The following SORL1 variants were observed in gnomAD, a reference collection of about 807,000 sequenced individuals.
SORL1 encodes sortilin related receptor 1.
A neutral mutation model predicts 273.7 loss-of-function variants in SORL1; 127 were observed. The ratio of observed to expected loss-of-function variants is 0.46; its 90% CI spans 0.40 to 0.54. The LOEUF (loss-of-function observed/expected upper bound fraction) is 0.54. SORL1 is among the 20% of genes least tolerant of loss of function. The pLI, the probability that SORL1 is intolerant of heterozygous loss-of-function variation, is 0.00. For synonymous variants in SORL1, 1,031 were observed against 1,067.4 expected, an observed-to-expected ratio of 0.97 and a Z score of 0.66; for missense variants, 2,494 against 2,846.1, an observed-to-expected ratio of 0.88 and a Z score of 2.81.
In SORL1 at chr11:121,478,187, A is replaced by C. The variant is rs769962217; in HGVS notation, c.472A>C (p.Asn158His). 17 of 1,614,032 alleles carry C rather than the reference A, an allele frequency of 1.1e-5. No individual in the cohort carries two copies. The highest frequency in any genetic ancestry group is 1.4e-5 in the Non-Finnish European group (16 of 1,180,028). Residue 158 changes from asparagine to histidine, a missense_variant, in exon 3 of 48, where the codon AAT becomes CAT. By Grantham distance (68) the Asn-to-His change is moderately conservative. This residue lies in a region of SORL1 where 710 missense variants were observed against 882.5 expected (regional missense o/e 0.80). Transcript: ENST00000260197. Reference protein sequence around the residue: ...ISDKLNFGLGNRSEAVIAQFY... With the variant: ...ISDKLNFGLGHRSEAVIAQFY... The stretch of plus-strand genomic sequence containing the variant: ...AGACAAGTTAAACTTTGGCTTGGGA[A>C]ATAGGAGTGAAGCTGTTATCGCCCA...
intron 21 of SORL1, among the ~76,000 whole-genome samples, chr11:121,562,756 T>C (rs1565337470): frequency 6.6e-6 from 1 of 152,064 alleles, no homozygotes; most frequent in Non-Finnish European, 1.5e-5. Context: ...GTTCTAGACT[T>C]AATAAGGGAG....
chr11:121,561,168 G>A lies in SORL1; in HGVS notation c.3049+1511G>A, dbSNP rs79318842. Among the ~76,000 whole-genome samples the A allele has an allele frequency of 6.3e-3, 967 of 152,288 alleles. 6 individuals carry two copies. Among genetic ancestry groups the A allele is most frequent in the African/African-American group, 0.022 (914 of 41,540 alleles). On this transcript the variant is annotated intron_variant, in intron 21 of 47. Transcript: ENST00000260197. ...AGAGTGGGTCTTCATTTTTACAAGTGCTTGTATGCATGTGCTTGTTTGATT... is the reference window on the plus strand; with the variant it reads ...AGAGTGGGTCTTCATTTTTACAAGTACTTGTATGCATGTGCTTGTTTGATT...
At position 121,555,216 on chromosome 11, in the gene SORL1, A is replaced by G; in HGVS notation, c.2469A>G (p.Gln823=). The change falls in exon 18 of 48, where the codon CAA becomes CAG. Residue 823 remains glutamine, a synonymous_variant. Transcript: ENST00000260197. ...TCTGTTTGAATGGAAGCACAGGGCA[A>G]GAGGTGATCATCAATTCTGGCCTGG... ...QRLCLNGSTG[Q]EVIINSGLET... is the part of the protein sequence containing the mutation. The G allele has an allele frequency of 6.2e-7, 1 of 1,614,072 alleles. No individual in the cohort carries two copies. Among genetic ancestry groups the G allele is most frequent in the Non-Finnish European group, 8.5e-7 (1 of 1,179,902 alleles).
At chr11:121,484,365 G>A (rs946348101) in intron 3 of SORL1, among the ~76,000 whole-genome samples, 4 of 152,160 alleles carry the variant, frequency 2.6e-5, no homozygotes, top group Admixed American at 6.5e-5. Context: ...AAGACCCATT[G>A]CCTGCCTCCA....
At chr11:121,482,971 T>G (rs1861416702) in intron 3 of SORL1, among the ~76,000 whole-genome samples, 1 of 152,254 alleles carries the variant, frequency 6.6e-6, no homozygotes, top group Non-Finnish European at 1.5e-5. Flanking sequence ...CTTCTTGGTC[T>G]CCTGTGTGCT....
In SORL1 at chr11:121,452,472, C is replaced by A; in HGVS notation, c.141C>A (p.Gly47=). 6.6e-7 allele frequency: 1 copy of A among 1,505,904 alleles called. No homozygotes were observed. Among genetic ancestry groups the A allele is most frequent in the South Asian group, 1.2e-5 (1 of 80,316 alleles). The allele number at this position is 1,505,904 out of a possible 1,614,324, so 93.3% of individuals were successfully genotyped here. A position where few individuals can be genotyped will look rare whatever the true frequency, so the allele number is the denominator to read the frequency against. ...GGSAPLPQDR[G]FLVVQGDPRE... ...GCGCGCCCTTGCCCCAGGACCGGGG[C>A]TTCCTCGTGGTGCAGGGCGACCCGC... is the stretch of plus-strand genomic sequence containing the variant. The change falls in exon 1 of 48, where the codon GGC becomes GGA. Residue 47 remains glycine (G), a synonymous_variant. Coordinates refer to ENST00000260197, the MANE Select transcript of SORL1 (RefSeq NM_003105.6). This position sits in a 1 kb window ranked among gnomAD's most constrained non-coding sequence, Gnocchi z 5.3.
intron 22 of SORL1, 146 bp downstream of exon 22, chr11:121,567,259 C>A: frequency 1.4e-6 from 1 of 702,928 alleles, no homozygotes; most frequent in Non-Finnish European, 2.3e-6. Context: ...ACCAGATACT[C>A]ATAAGAATAC....
rs1331855188 is a variant in SORL1, at chr11:121,543,459, G to A, written c.1686-89G>A. 9.4e-6 allele frequency: 10 copies of A among 1,066,610 alleles called. No individual in the cohort carries two copies. In the Admixed American group the frequency reaches 2.1e-4, roughly 22 times the overall value. 66.1% of individuals were successfully genotyped at this position (1,066,610 alleles called of 1,614,324 possible). ...TCAGCCATTTCTCCAAGGAGCCCTG[G>A]TTCCTGTTCCTGGTGAATGTTATAT... On this transcript the variant is annotated intron_variant, in intron 12 of 47. Transcript: ENST00000260197.
chr11:121,557,693 G>A (rs1394764316), intron 19 of SORL1, among the ~76,000 whole-genome samples: 1 of 152,198 alleles, frequency 6.6e-6, no homozygotes, highest in South Asian at 2.1e-4. Flanking sequence ...ACATAGACAG[G>A]CCTGCTTGGA....
At chr11:121,619,208 A>T (rs142565214) in intron 42 of SORL1, among the ~76,000 whole-genome samples, 2 of 152,248 alleles carry the variant, frequency 1.3e-5, no homozygotes, top group African/African-American at 2.4e-5. Flanking sequence ...GTGTGCCAAG[A>T]TATATGGAGA....
At chr11:121,484,696 A>G (rs957040220) in intron 3 of SORL1, among the ~76,000 whole-genome samples, 1 of 152,152 alleles carries the variant, frequency 6.6e-6, no homozygotes, top group African/African-American at 2.4e-5. Context: ...GAAGGTAAAC[A>G]AAAATGGAAT....
At chr11:121,566,092 C>G (rs1304431576) in intron 21 of SORL1, among the ~76,000 whole-genome samples, 1 of 152,060 alleles carries the variant, frequency 6.6e-6, no homozygotes, top group Non-Finnish European at 1.5e-5. Context: ...CTAATTAAGG[C>G]CTTTGGGGCC....
chr11:121,592,988 G>C (rs1191094739), intron 31 of SORL1, among the ~76,000 whole-genome samples: 1 of 152,004 alleles, frequency 6.6e-6, no homozygotes, highest in Non-Finnish European at 1.5e-5. Flanking sequence ...TAAACTCATT[G>C]TTATCTGTAG....
chr11:121,557,232 A>G (rs1464656730), intron 18 of SORL1, 82 bp from the exon 19 acceptor site: 1 of 1,002,366 alleles, frequency 1.0e-6, no homozygotes, highest in Non-Finnish European at 1.6e-6. Context: ...TCTGTAGCAG[A>G]AGCTGAGTAG....
At chr11:121,463,759 C>T (rs913696068) in intron 1 of SORL1, among the ~76,000 whole-genome samples, 9 of 152,232 alleles carry the variant, frequency 5.9e-5, no homozygotes, top group Non-Finnish European at 1.0e-4. Context: ...AACTGGGCCT[C>T]TCTTCCGGGA....
At chr11:121,506,439 A>G (rs559857875) in intron 6 of SORL1, among the ~76,000 whole-genome samples, 1 of 152,286 alleles carries the variant, frequency 6.6e-6, no homozygotes, top group African/African-American at 2.4e-5. Flanking sequence ...TCTTACATGG[A>G]TGGCAGCAGG....
intron 39 of SORL1, chr11:121,612,515 T>A (rs1399651144): frequency 2.7e-6 from 1 of 370,776 alleles, no homozygotes; most frequent in Non-Finnish European, 5.0e-6. Flanking sequence ...AAATTAAATA[T>A]GGTCTCGTTT....
At chr11:121,610,296 C>T (rs1863543320) in intron 38 of SORL1, 1 of 152,182 alleles carries the variant, frequency 6.6e-6, no homozygotes, top group African/African-American at 2.4e-5. Flanking sequence ...GGAAGACCTT[C>T]CAGATGACAA....
rs189539995 is a variant in SORL1 at position 121,557,383 on chromosome 11, C to G, written c.2641C>G (p.Leu881Val). ...CTCTGTGCTTGATCGTCCCAGGGCT[C>G]TGGTCCTCGTGCCCCAAGAGGGGTA... ...NSSVLDRPRALVLVPQEGVMF... is the reference protein window; with the variant it reads ...NSSVLDRPRAVVLVPQEGVMF... The change falls in exon 19 of 48, where the codon CTG becomes GTG. Residue 881 changes from leucine (L) to valine (V), a missense_variant. Leu to Val is a conservative substitution (Grantham distance 32). Around this residue, in one of 3 missense-constraint regions of SORL1, gnomAD observed 1,609 missense variants for 1,816.4 expected, o/e 0.89. Coordinates refer to ENST00000260197, the MANE Select transcript of SORL1 (RefSeq NM_003105.6). 6.2e-7 allele frequency: 1 copy of G among 1,614,114 alleles called. No homozygotes were observed. The highest frequency in any genetic ancestry group is 1.7e-5 in the Admixed American group (1 of 60,022).
Sources: allele counts gnomAD v4.1 joint callset (sites outside exome capture counted in the v4.1 genomes callset), GRCh38; gene constraint gnomAD v4.1.1; regional missense constraint gnomAD v4.1.1; non-coding constraint Gnocchi (gnomAD v3.1); transcripts MANE v1.5; gene names NCBI Gene and HGNC (gene_info 2026-07-23, HGNC 2026-07-21).